The following RAD51AP1 variants were observed in gnomAD, a reference collection of about 807,000 sequenced individuals.
RAD51AP1 encodes RAD51 associated protein 1, also known as RAD51-associated protein 1.
A neutral mutation model predicts 34.3 loss-of-function variants in RAD51AP1; 14 were observed. The observed-to-expected ratio is 0.41, with a 90% CI of 0.27 to 0.64. The LOEUF is 0.64. Ranked by LOEUF, RAD51AP1 falls within the 30% of genes least tolerant of loss-of-function variation. The pLI, the probability that RAD51AP1 is intolerant of heterozygous loss-of-function variation, is 0.33. For missense variants in RAD51AP1, 348 were observed against 386.9 expected (o/e 0.90, Z 0.84); for synonymous variants, 114 against 129.8 (o/e 0.88, Z 0.83).
chr12:4,539,090 T>G, intron 1 of RAD51AP1, 134 bp downstream of exon 1: 2 of 962,338 alleles, frequency 2.1e-6, no homozygotes, highest in South Asian at 3.2e-5. Flanking sequence ...AAGAACCCAG[T>G]CTCCAGTGAG....
chr12:4,556,615 C>A, intron 8 of RAD51AP1, 113 bp downstream of exon 8: 1 of 1,258,070 alleles, frequency 7.9e-7, no homozygotes. Context: ...ACATATTCTT[C>A]AAAACCAAAG....
chr12:4,545,777 T>A, intron 3 of RAD51AP1: 2 of 1,608,218 alleles, frequency 1.2e-6, no homozygotes, highest in Non-Finnish European at 1.7e-6. Flanking sequence ...CTCCTTTAAT[T>A]GCAGACTCCC....
chr12:4,543,879 G>C lies in RAD51AP1; in HGVS notation c.184G>C (p.Val62Leu). The C allele has an allele frequency of 1.2e-6, 2 of 1,611,034 alleles. No homozygotes were observed. The highest frequency in any genetic ancestry group is 1.7e-6 in the Non-Finnish European group (2 of 1,178,640). Residue 62 changes from valine to leucine, a missense_variant, in exon 3 of 9, where the codon GTA becomes CTA. Transcript: ENST00000352618. ...LNNLRKEEIP[V>L]QEKTPKKRMA... ...CAATCTCCGGAAAGAAGAAATCCCA[G>C]TACAAGAGAAAACCCCTAAAAAAAG...
chr12:4,541,866 A>T lies in RAD51AP1; in HGVS notation c.18-18A>T. 1 of 1,411,370 alleles carries T rather than the reference A, an allele frequency of 7.1e-7. No homozygotes were observed. Among genetic ancestry groups the T allele is most frequent in the South Asian group, 1.8e-5 (1 of 55,266 alleles). 87.4% of individuals were successfully genotyped at this position (1,411,370 alleles called of 1,614,324 possible). A position where few individuals can be genotyped will look rare whatever the true frequency, so the allele number is the denominator to read the frequency against. ...AATTGACATTTGTGTTAATGAAAAA[A>T]TTCTGTTTTGGTCATAGACATAAGA... On this transcript the variant is annotated intron_variant, in intron 1 of 8. Coordinates refer to ENST00000352618, the MANE Select transcript of RAD51AP1 (RefSeq NM_006479.5).
intron 7 of RAD51AP1, among the ~76,000 whole-genome samples, chr12:4,554,021 A>T (rs1003831790): frequency 3.3e-5 from 5 of 151,658 alleles, no homozygotes; most frequent in African/African-American, 9.7e-5. Flanking sequence ...CTGTATTTTG[A>T]ATTAATGAGG....
At chr12:4,552,900 A>G (rs1944556236) in intron 6 of RAD51AP1, 83 bp from the exon 7 acceptor site, 2 of 1,291,698 alleles carry the variant, frequency 1.5e-6, no homozygotes, top group East Asian at 2.5e-5. Flanking sequence ...GGTGCATAAG[A>G]ATCTGAAAGC....
chr12:4,548,605 CT>C, intron 5 of RAD51AP1, 81 bp from the exon 6 acceptor site: 1 of 1,456,892 alleles, frequency 6.9e-7, no homozygotes, highest in Non-Finnish European at 9.4e-7. Context: ...AAAACAATAG[CT>C]GTAATAGAGT....
chr12:4,548,715 T>A lies in RAD51AP1; in HGVS notation c.435T>A (p.Asp145Glu). 6.2e-7 allele frequency: 1 copy of A among 1,613,998 alleles called. No individual in the cohort carries two copies. The highest frequency in any genetic ancestry group is 8.5e-7 in the Non-Finnish European group (1 of 1,179,904). ...TGGATAAGATTACTGTGGAAGATGA[T>A]GTTGGTGGTGTTCAAGGGAAAAGAA... Reference protein sequence around the residue: ...LDLDKITVEDDVGGVQGKRKA... With the variant: ...LDLDKITVEDEVGGVQGKRKA... Residue 145 changes from aspartate to glutamate, a missense_variant, in exon 6 of 9, where the codon GAT (aspartate) becomes GAA (glutamate). By Grantham distance (45) the Asp-to-Glu change is conservative. Transcript: ENST00000352618.
intron 4 of RAD51AP1, among the ~76,000 whole-genome samples, chr12:4,547,833 G>A (rs1255197748): frequency 6.6e-6 from 1 of 152,168 alleles, no homozygotes; most frequent in East Asian, 1.9e-4. Context: ...TATAGATGAG[G>A]AAATTCAGTC....
At chr12:4,543,295 A>G (rs1445178101) in intron 2 of RAD51AP1, among the ~76,000 whole-genome samples, 1 of 152,190 alleles carries the variant, frequency 6.6e-6, no homozygotes, top group Non-Finnish European at 1.5e-5. Flanking sequence ...TCGTGACTTC[A>G]GGTGATCTGC....
intron 1 of RAD51AP1, 64 bp downstream of exon 1, chr12:4,539,020 G>C (rs2137230934): frequency 6.4e-7 from 1 of 1,572,070 alleles, no homozygotes; most frequent in Non-Finnish European, 8.8e-7. Flanking sequence ...ATGAGACTAA[G>C]GGGAAAGGAT....
Position 4,558,319 on chromosome 12 carries a change from G to A in RAD51AP1, c.872-538G>A, listed in dbSNP as rs1013696233. ...TATTTTAAATTTATAATACTGTTGT[G>A]TAGGCGAGCAACTACAGTCACCATC... On this transcript the variant is annotated intron_variant, in intron 8 of 8. Transcript: ENST00000352618. Among the ~76,000 whole-genome samples, 4 of 152,128 alleles carry A rather than the reference G, an allele frequency of 2.6e-5. No homozygotes were observed. The East Asian group carries it at 5.8e-4, about 22-fold the overall frequency.
chr12:4,547,488 CTCTT>C (rs1422280628), intron 4 of RAD51AP1, among the ~76,000 whole-genome samples: 1 of 152,198 alleles, frequency 6.6e-6, no homozygotes, highest in African/African-American at 2.4e-5. Flanking sequence ...ATTCATCTCT[CTCTT>C]TTAAGACATT....
chr12:4,548,324 A>G (rs1004417321), intron 5 of RAD51AP1, 146 bp downstream of exon 5: 14 of 1,213,986 alleles, frequency 1.2e-5, no homozygotes, highest in Non-Finnish European at 1.6e-5. Context: ...TTTGTGTTTT[A>G]GTCTCATTCT....
At chr12:4,547,280 C>T (rs1944513349) in intron 4 of RAD51AP1, among the ~76,000 whole-genome samples, 1 of 152,108 alleles carries the variant, frequency 6.6e-6, no homozygotes, top group South Asian at 2.1e-4. Flanking sequence ...CGCATGCTGC[C>T]CTCAAACTCC....
intron 1 of RAD51AP1, among the ~76,000 whole-genome samples, chr12:4,540,787 C>A: frequency 6.6e-6 from 1 of 152,144 alleles, no homozygotes; most frequent in Middle Eastern, 3.4e-3. Context: ...TAATAGTTTG[C>A]GTGAGGAAAC....
chr12:4,554,839 T>C (rs1439559360), intron 7 of RAD51AP1, among the ~76,000 whole-genome samples: 1 of 152,234 alleles, frequency 6.6e-6, no homozygotes, highest in African/African-American at 2.4e-5. Flanking sequence ...AGCTATGCTG[T>C]CCAATATGGT....
chr12:4,542,195 G>T (rs1944472228), intron 2 of RAD51AP1, among the ~76,000 whole-genome samples: 1 of 152,120 alleles, frequency 6.6e-6, no homozygotes, highest in South Asian at 2.1e-4. Context: ...GCAACATAGA[G>T]GTTTGTCTCC....
chr12:4,551,442 C>T (rs1167969367), intron 6 of RAD51AP1, among the ~76,000 whole-genome samples: 1 of 145,556 alleles, frequency 6.9e-6, no homozygotes, highest in East Asian at 1.9e-4. Flanking sequence ...TTGCAGTGAG[C>T]CAGGATTGTG....
Sources: gnomAD v4.1 joint callset for allele counts (sites outside exome capture counted in the v4.1 genomes callset) on GRCh38, gnomAD v4.1.1 for gene constraint, MANE v1.5 for transcripts, NCBI Gene and HGNC (gene_info 2026-07-23, HGNC 2026-07-21) for gene names.